MPP7: variants seen among roughly 807,000 people sequenced by gnomAD.
The protein encoded by MPP7 is MAGUK p55 subfamily member 7.
In MPP7, 60 loss-of-function variants were observed where a neutral mutation model predicts 76.5. The ratio of observed to expected loss-of-function variants is 0.78; its 90% confidence interval spans 0.64 to 0.97. The LOEUF (loss-of-function observed/expected upper bound fraction) is 0.97. Ranked by LOEUF, MPP7 falls within the 50% of genes least tolerant of loss-of-function variation. MPP7 has a pLI of 0.00. For missense variants in MPP7, 641 were observed against 694.0 expected (o/e 0.92, Z 0.86); for synonymous variants, 237 against 244.5 (o/e 0.97, Z 0.29).
At chr10:28,171,835 T>C (rs933068066) in intron 3 of MPP7, among the ~76,000 whole-genome samples, 9 of 152,180 alleles carry the variant, frequency 5.9e-5, no homozygotes, top group Admixed American at 5.2e-4. Context: ...TGTAGTTTTG[T>C]TATGTCTTTA....
At chr10:28,229,433 G>A (rs903614093) in intron 2 of MPP7, among the ~76,000 whole-genome samples, 2 of 152,192 alleles carry the variant, frequency 1.3e-5, no homozygotes, top group African/African-American at 4.8e-5. Flanking sequence ...CAATAACAGA[G>A]ACAGTTTGAT....
intron 2 of MPP7, among the ~76,000 whole-genome samples, chr10:28,209,867 G>T (rs1181775316): frequency 6.6e-6 from 1 of 152,182 alleles, no homozygotes; most frequent in African/African-American, 2.4e-5. Context: ...GTTTCCGAAA[G>T]AGATTATCCT....
At chr10:28,196,756 C>T (rs1837596118) in intron 3 of MPP7, among the ~76,000 whole-genome samples, 2 of 152,138 alleles carry the variant, frequency 1.3e-5, no homozygotes, top group African/African-American at 4.8e-5. Flanking sequence ...GATGAGAGCA[C>T]ACTGAACATC....
At chr10:28,221,924 T>C (rs904948959) in intron 2 of MPP7, among the ~76,000 whole-genome samples, 4 of 152,198 alleles carry the variant, frequency 2.6e-5, no homozygotes, top group Admixed American at 6.5e-5. Flanking sequence ...CTATTTAATT[T>C]CATCTTAACA....
At chr10:28,233,430 G>A (rs1384654695) in intron 2 of MPP7, among the ~76,000 whole-genome samples, 2 of 152,106 alleles carry the variant, frequency 1.3e-5, no homozygotes, top group Non-Finnish European at 2.9e-5. Context: ...CACTCCGGCC[G>A]GGCGCGGTGG....
chr10:28,297,370 T>C (rs769524055), intron 1 of MPP7, among the ~76,000 whole-genome samples: 2 of 152,206 alleles, frequency 1.3e-5, no homozygotes, highest in Non-Finnish European at 2.9e-5. Flanking sequence ...TGCTGGCTGC[T>C]GAAAGATGGA....
chr10:28,117,214 C>T (rs531636123), intron 11 of MPP7, among the ~76,000 whole-genome samples: 18 of 152,052 alleles, frequency 1.2e-4, no homozygotes, highest in Admixed American at 4.6e-4. Context: ...TGGCTAATTT[C>T]GTAAATGGTA....
intron 11 of MPP7, among the ~76,000 whole-genome samples, chr10:28,114,370 C>T (rs959503223): frequency 2.0e-5 from 3 of 152,060 alleles, no homozygotes; most frequent in African/African-American, 7.2e-5. Context: ...TATGATGGTG[C>T]CACTGCACTC....
chr10:28,307,264 T>G (rs1052525185), upstream of MPP7, among the ~76,000 whole-genome samples: 1 of 152,236 alleles, frequency 6.6e-6, no homozygotes, highest in East Asian at 1.9e-4. Context: ...CCACATTCTC[T>G]GGAAATCTTT....
At chr10:28,095,194 CAT>C (rs10528025) in intron 11 of MPP7, among the ~76,000 whole-genome samples, 2,036 of 130,802 alleles carry the variant, frequency 0.016, 49 homozygotes, top group African/African-American at 0.044. Flanking sequence ...CACACATATG[CAT>C]ATATATATAT....
At chr10:28,161,841 C>A (rs1836274530) in intron 3 of MPP7, among the ~76,000 whole-genome samples, 1 of 152,166 alleles carries the variant, frequency 6.6e-6, no homozygotes, top group Non-Finnish European at 1.5e-5. Flanking sequence ...AACTTATTTA[C>A]AGAAAGGAAA....
At chr10:28,223,751 G>A (rs776514796) in intron 2 of MPP7, among the ~76,000 whole-genome samples, 1 of 151,898 alleles carries the variant, frequency 6.6e-6, no homozygotes, top group Non-Finnish European at 1.5e-5. Context: ...GTGTTATAAG[G>A]CTACAAAGGA....
At chr10:28,097,092 C>T (rs557768956) in intron 11 of MPP7, among the ~76,000 whole-genome samples, 6 of 152,028 alleles carry the variant, frequency 3.9e-5, no homozygotes, top group African/African-American at 1.2e-4. Flanking sequence ...TGGGCTCCAG[C>T]GATCCTCCCA....
intron 2 of MPP7, among the ~76,000 whole-genome samples, chr10:28,318,792 C>T (rs940865195): frequency 6.6e-6 from 1 of 152,188 alleles, no homozygotes; most frequent in Non-Finnish European, 1.5e-5. Flanking sequence ...TTTTTACTTG[C>T]CTTGCTTAAG....
chr10:28,080,979 T>G (rs898800683), intron 12 of MPP7, among the ~76,000 whole-genome samples: 4 of 152,180 alleles, frequency 2.6e-5, no homozygotes, highest in African/African-American at 9.7e-5. Flanking sequence ...GTGGGAGGCT[T>G]TGTGTTATGC....
rs1237310289 is a variant in MPP7, at chr10:28,302,882, C to T, written c.-153G>A. ...TTACCTGCTCTGGGCTGCCGCGGTC[C>T]GCGGGCAGGAGGCGCACTCGCTCTG... On this transcript the variant is annotated 5_prime_UTR_variant, in exon 1 of 17. Transcript: ENST00000683449. 6.6e-6 allele frequency among the ~76,000 whole-genome samples: 1 copy of T among 152,090 alleles called. No individual in the cohort carries two copies. The highest frequency in any genetic ancestry group is 1.5e-5 in the Non-Finnish European group (1 of 67,986).
At chr10:28,264,277 T>C (rs1375767722) in intron 1 of MPP7, among the ~76,000 whole-genome samples, 1 of 152,052 alleles carries the variant, frequency 6.6e-6, no homozygotes, top group African/African-American at 2.4e-5. Context: ...GGTGACATAG[T>C]AAGACCCTGT....
chr10:28,088,418 G>T (rs1853123071), intron 12 of MPP7, among the ~76,000 whole-genome samples: 1 of 152,020 alleles, frequency 6.6e-6, no homozygotes, highest in Admixed American at 6.6e-5. Flanking sequence ...AGATCTGATG[G>T]TTTAAAAGTA....
chr10:28,066,813 C>A (rs918081061), intron 13 of MPP7, among the ~76,000 whole-genome samples: 1 of 152,160 alleles, frequency 6.6e-6, no homozygotes, highest in African/African-American at 2.4e-5. Context: ...AACACATTTG[C>A]GGGATTCATT....
Sources: gnomAD v4.1 joint callset for allele counts (sites outside exome capture counted in the v4.1 genomes callset) on GRCh38, gnomAD v4.1.1 for gene constraint, MANE v1.5 for transcripts, NCBI Gene and HGNC (gene_info 2026-07-23, HGNC 2026-07-21) for gene names.